The following PCDHA10 variants were observed in gnomAD, a reference collection of about 807,000 sequenced individuals.
PCDHA10 encodes protocadherin alpha 10.
Under a neutral mutation model 61.2 loss-of-function variants are expected in PCDHA10, and 45 were observed. That is an observed-to-expected ratio of 0.74 (90% confidence interval 0.58 to 0.94). The LOEUF (loss-of-function observed/expected upper bound fraction) is 0.94, where lower values mean the gene tolerates loss of function less well. Ranked by LOEUF, PCDHA10 falls within the 40% of genes least tolerant of loss-of-function variation. The pLI is 0.00. For missense variants in PCDHA10, 1,278 were observed against 1,236.2 expected (o/e 1.03, Z -0.51); for synonymous variants, 602 against 548.8 (o/e 1.10, Z -1.35).
chr5:140,974,994 A>C (rs901871984), intron 1 of PCDHA10, among the ~76,000 whole-genome samples: 8 of 152,126 alleles, frequency 5.3e-5, no homozygotes, highest in African/African-American at 1.9e-4. Flanking sequence ...AGGTATTCTC[A>C]AGGCTGAAAT....
intron 3 of PCDHA10, among the ~76,000 whole-genome samples, chr5:140,999,451 C>T (rs1245812469): frequency 4.6e-5 from 7 of 152,084 alleles, no homozygotes; most frequent in African/African-American, 9.7e-5. Context: ...ATTCGTTCAA[C>T]GAATAAGTGG....
chr5:141,006,069 C>T (rs1588119997), intron 3 of PCDHA10, among the ~76,000 whole-genome samples: 1 of 148,482 alleles, frequency 6.7e-6, no homozygotes, highest in African/African-American at 2.5e-5. Flanking sequence ...AAATAAAAAT[C>T]AGATTATTGA....
intron 1 of PCDHA10, among the ~76,000 whole-genome samples, chr5:140,916,789 C>T (rs146305877): frequency 2.8e-4 from 42 of 152,168 alleles, no homozygotes; most frequent in Non-Finnish European, 4.7e-4. Context: ...TTAGCTGCCC[C>T]AGCTGATGAC....
At chr5:140,877,736 G>A (rs979836328) in intron 1 of PCDHA10, 22 of 1,614,170 alleles carry the variant, frequency 1.4e-5, no homozygotes, top group East Asian at 2.2e-5. Flanking sequence ...CAGCAGAGGA[G>A]GCAGAGGGTG....
intron 1 of PCDHA10, chr5:140,968,106 C>A: frequency 6.2e-7 from 1 of 1,614,134 alleles, no homozygotes; most frequent in Non-Finnish European, 8.5e-7. Flanking sequence ...GGGGGAATAC[C>A]GCAGCTCACA....
chr5:140,967,749 C>G (rs1554229896), intron 1 of PCDHA10: 1 of 1,614,172 alleles, frequency 6.2e-7, no homozygotes, highest in Non-Finnish European at 8.5e-7. Context: ...TATGAGGAAG[C>G]CTCCTCCTAC....
chr5:140,952,417 C>T (rs2153696080), intron 1 of PCDHA10, among the ~76,000 whole-genome samples: 1 of 152,190 alleles, frequency 6.6e-6, no homozygotes, highest in Non-Finnish European at 1.5e-5. Flanking sequence ...TAATGTTCCG[C>T]AGATTCCTAC....
At chr5:140,942,543 G>C (rs1272048967) in intron 1 of PCDHA10, among the ~76,000 whole-genome samples, 1 of 152,056 alleles carries the variant, frequency 6.6e-6, no homozygotes, top group Non-Finnish European at 1.5e-5. Flanking sequence ...GTATGGTGGG[G>C]GGTAGGGGGT....
At position 140,944,959 on chromosome 5, in the gene PCDHA10, A is replaced by C. The variant is rs183198577; in HGVS notation, c.2389-33990A>C. Among the ~76,000 whole-genome samples, 72 of 152,254 alleles carry C rather than the reference A, an allele frequency of 4.7e-4. No individual in the cohort carries two copies. The East Asian group carries it at 0.012, about 25-fold the overall frequency. ...TTAGATGATTGTGAATAAGAGTATT[A>C]TCTTAACCTCTCTGGTGGGTCTACT... On this transcript the variant is annotated intron_variant, in intron 1 of 3. Coordinates refer to ENST00000307360, the MANE Select transcript of PCDHA10 (RefSeq NM_018901.4).
At chr5:140,971,643 T>C (rs2096490301) in intron 1 of PCDHA10, among the ~76,000 whole-genome samples, 2 of 152,134 alleles carry the variant, frequency 1.3e-5, no homozygotes, top group African/African-American at 4.8e-5. Flanking sequence ...TGTGCCTACA[T>C]TAAAAGTAGA....
intron 1 of PCDHA10, chr5:140,858,724 G>A: frequency 2.0e-6 from 1 of 491,474 alleles, no homozygotes; most frequent in South Asian, 3.0e-5. Flanking sequence ...TTGCAGTTCT[G>A]ACGATTTACT....
At chr5:140,879,960 C>T (rs781917048) in intron 1 of PCDHA10, among the ~76,000 whole-genome samples, 3 of 152,168 alleles carry the variant, frequency 2.0e-5, no homozygotes, top group Non-Finnish European at 4.4e-5. Flanking sequence ...TCTGGATAAT[C>T]CAGGATAAAC....
intron 1 of PCDHA10, chr5:140,875,955 T>C: frequency 6.2e-7 from 1 of 1,614,158 alleles, no homozygotes; most frequent in African/African-American, 1.3e-5. Flanking sequence ...CTGATGCGGA[T>C]ATCGGCGTAA....
chr5:140,925,503 C>T (rs1210013790), intron 1 of PCDHA10, among the ~76,000 whole-genome samples: 1 of 151,978 alleles, frequency 6.6e-6, no homozygotes, highest in Non-Finnish European at 1.5e-5. Context: ...TCCCAATATC[C>T]ACGCAAAAGA....
intron 3 of PCDHA10, among the ~76,000 whole-genome samples, chr5:141,004,902 G>A (rs1554259808): frequency 1.3e-5 from 2 of 152,084 alleles, no homozygotes; most frequent in African/African-American, 4.8e-5. Flanking sequence ...GCTCTGCCAG[G>A]GTGTAAGGAA....
chr5:141,005,737 G>A (rs568489145), intron 3 of PCDHA10, among the ~76,000 whole-genome samples: 173 of 143,620 alleles, frequency 1.2e-3, no homozygotes, highest in African/African-American at 4.5e-3. Flanking sequence ...AAAAAGAATG[G>A]ATGAGAAATC....
At chr5:140,949,237 A>G (rs1239213091) in intron 1 of PCDHA10, among the ~76,000 whole-genome samples, 1 of 151,790 alleles carries the variant, frequency 6.6e-6, no homozygotes, top group South Asian at 2.1e-4. Context: ...GTGGCCCAGC[A>G]ACAGTCTATC....
At chr5:140,915,699 C>G (rs1321126272) in intron 1 of PCDHA10, among the ~76,000 whole-genome samples, 1 of 151,944 alleles carries the variant, frequency 6.6e-6, no homozygotes, top group Non-Finnish European at 1.5e-5. Context: ...GTGATGCAAG[C>G]ACTCCTGTGG....
At chr5:140,974,731 C>T (rs2096638633) in intron 1 of PCDHA10, among the ~76,000 whole-genome samples, 1 of 152,140 alleles carries the variant, frequency 6.6e-6, no homozygotes, top group Non-Finnish European at 1.5e-5. Context: ...GAACTCCTGT[C>T]TCCACCTTGG....
Sources: allele counts gnomAD v4.1 joint callset (sites outside exome capture counted in the v4.1 genomes callset), GRCh38; gene constraint gnomAD v4.1.1; transcripts MANE v1.5; gene names NCBI Gene and HGNC (gene_info 2026-07-23, HGNC 2026-07-21).